SLC25A18: variants seen among roughly 807,000 people sequenced by gnomAD.
SLC25A18 encodes mitochondrial glutamate carrier 2.
SLC25A18 carries 24 observed loss-of-function variants against 31.1 expected under a neutral mutation model. That is an observed-to-expected ratio of 0.77 (90% CI 0.56 to 1.08). The LOEUF (loss-of-function observed/expected upper bound fraction) is 1.08, where lower values mean the gene tolerates loss of function less well. Ranked by LOEUF, SLC25A18 falls within the 50% of genes least tolerant of loss-of-function variation. SLC25A18 has a pLI of 0.00. For missense variants in SLC25A18, 371 were observed against 418.5 expected (o/e 0.89, Z 0.99); for synonymous variants, 173 against 161.9 (o/e 1.07, Z -0.52).
At chr22:17,589,826 CTT>C (rs1313777669) in intron 10 of SLC25A18, among the ~76,000 whole-genome samples, 161 bp downstream of exon 10, 1 of 152,150 alleles carries the variant, frequency 6.6e-6, no homozygotes, top group Non-Finnish European at 1.5e-5. Context: ...TACTGGGAGC[CTT>C]TTTCTTCTTC....
Position 17,584,450 on chromosome 22 carries a change from A to AAG in SLC25A18, c.409+916_409+917insAG, listed in dbSNP as rs1167043317. On this transcript the variant is annotated intron_variant, in intron 7 of 10. Coordinates refer to ENST00000327451, the MANE Select transcript of SLC25A18 (RefSeq NM_031481.3). The stretch of plus-strand genomic sequence containing the variant: ...AGGAAGGAAGGAAGGAAGGAAGGAG[A>AAG]GAGAGAGAGAGAGAGAGAGAGAAAG... 4.7e-3 allele frequency among the ~76,000 whole-genome samples: 611 copies of AAG among 129,258 alleles called. 10 individuals are homozygous for AAG. The highest frequency in any genetic ancestry group is 0.02 in the African/African-American group (577 of 28,234). 84.8% of individuals were successfully genotyped at this position (129,258 alleles called of 152,430 possible). A position where few individuals can be genotyped will look rare whatever the true frequency, so the allele number is the denominator to read the frequency against.
intron 2 of SLC25A18, among the ~76,000 whole-genome samples, chr22:17,576,259 G>A (rs1353036514): frequency 6.6e-6 from 1 of 152,030 alleles, no homozygotes; most frequent in Non-Finnish European, 1.5e-5. Context: ...GGCTGAGGCA[G>A]GAGAATAGCT....
At chr22:17,567,538 A>G (rs2056969311) in intron 1 of SLC25A18, among the ~76,000 whole-genome samples, 1 of 150,652 alleles carries the variant, frequency 6.6e-6, no homozygotes, top group African/African-American at 2.5e-5. Flanking sequence ...CTGATTCTTC[A>G]CCTCTCCCAG....
At chr22:17,574,360 C>A (rs990594196) in intron 2 of SLC25A18, among the ~76,000 whole-genome samples, 7 of 152,328 alleles carry the variant, frequency 4.6e-5, no homozygotes, top group African/African-American at 1.7e-4. Context: ...AGGGCACATG[C>A]TGTCTCTAGC....
chr22:17,589,811 GA>G, intron 10 of SLC25A18, 146 bp downstream of exon 10: 1 of 803,700 alleles, frequency 1.2e-6, no homozygotes, highest in Non-Finnish European at 2.0e-6. Context: ...AAAGAAAACA[GA>G]ATGTACTGGG....
chr22:17,578,971 T>TA (rs1483738723), intron 2 of SLC25A18, among the ~76,000 whole-genome samples: 5 of 152,362 alleles, frequency 3.3e-5, no homozygotes, highest in Middle Eastern at 3.4e-3. Context: ...ATTAGGAATA[T>TA]AATGTAGTTT....
chr22:17,579,905 G>A lies in SLC25A18; in HGVS notation c.-40G>A. 1 of 1,603,052 alleles carries A rather than the reference G, an allele frequency of 6.2e-7. No homozygotes were observed. The highest frequency in any genetic ancestry group is 8.5e-7 in the Non-Finnish European group (1 of 1,175,498). On this transcript the variant is annotated 5_prime_UTR_variant, in exon 3 of 11. Coordinates refer to ENST00000327451, the MANE Select transcript of SLC25A18 (RefSeq NM_031481.3). ...GCCCCAACAGCGGCTACCCCAAGGAGCCAGCAGCCTTGTGTCCTGGGATCC... is the reference window on the plus strand; with the variant it reads ...GCCCCAACAGCGGCTACCCCAAGGAACCAGCAGCCTTGTGTCCTGGGATCC...
At chr22:17,575,113 CAG>C (rs1409186532) in intron 2 of SLC25A18, among the ~76,000 whole-genome samples, 8 of 151,830 alleles carry the variant, frequency 5.3e-5, no homozygotes, top group African/African-American at 1.7e-4. Flanking sequence ...CGGCCTCCCA[CAG>C]TGCTGGGATT....
intron 3 of SLC25A18, 36 bp downstream of exon 3, chr22:17,580,000 C>CTGGGCCT (rs1256507946): frequency 5.6e-6 from 9 of 1,599,490 alleles, no homozygotes; most frequent in Non-Finnish European, 7.7e-6. Flanking sequence ...GCCCTGGGCC[C>CTGGGCCT]TGGGCCTGGC....
chr22:17,568,590 C>T (rs1392324170), intron 1 of SLC25A18, among the ~76,000 whole-genome samples: 4 of 92,282 alleles, frequency 4.3e-5, no homozygotes. Context: ...TTGAGACAGT[C>T]TCACTCTGTC....
intron 9 of SLC25A18, 58 bp from the exon 10 acceptor site, chr22:17,589,532 A>C: frequency 6.6e-7 from 1 of 1,522,348 alleles, no homozygotes; most frequent in Non-Finnish European, 9.1e-7. Context: ...CTTAGTGTTG[A>C]GGGGAGGACA....
chr22:17,575,855 GCA>G lies in SLC25A18; in HGVS notation c.-200-3887_-200-3886del, dbSNP rs748754839. ...TTGTGAATGCACTTGTCTTCCCAGT[GCA>G]CAGTGACACAATGTCATGGCCAGAT... On this transcript the variant is annotated intron_variant, in intron 2 of 10. Coordinates refer to ENST00000327451, the MANE Select transcript of SLC25A18 (RefSeq NM_031481.3). Among the ~76,000 whole-genome samples, 98 of 152,314 alleles carry G rather than the reference GCA, an allele frequency of 6.4e-4. 1 individual carries two copies. The highest frequency in any genetic ancestry group is 1.1e-3 in the Non-Finnish European group (78 of 68,030).
At chr22:17,574,108 C>T (rs561061714) in intron 2 of SLC25A18, among the ~76,000 whole-genome samples, 1 of 152,268 alleles carries the variant, frequency 6.6e-6, no homozygotes, top group South Asian at 2.1e-4. Flanking sequence ...GTGTCATACA[C>T]CTATGGTCCC....
chr22:17,564,549 T>C (rs2056882806), intron 1 of SLC25A18, among the ~76,000 whole-genome samples: 2 of 151,866 alleles, frequency 1.3e-5, no homozygotes, highest in Non-Finnish European at 2.9e-5. Flanking sequence ...TTATATAAAG[T>C]AAAAAAAATT....
chr22:17,590,313 A>T lies in SLC25A18; in HGVS notation c.*77A>T, dbSNP rs768296891. 2.7e-5 allele frequency: 43 copies of T among 1,584,412 alleles called. No homozygotes were observed. Among genetic ancestry groups the T allele is most frequent in the Non-Finnish European group, 3.6e-5 (42 of 1,160,744 alleles). On this transcript the variant is annotated 3_prime_UTR_variant, in exon 11 of 11. Coordinates refer to ENST00000327451, the MANE Select transcript of SLC25A18 (RefSeq NM_031481.3). ...CACTTAGCCTAGAGGGGGCAAGGGCAGGTGGGGCCACTCTGGCCTGCCTGG... is the reference window on the plus strand; with the variant it reads ...CACTTAGCCTAGAGGGGGCAAGGGCTGGTGGGGCCACTCTGGCCTGCCTGG...
chr22:17,580,304 A>G (rs532753978), intron 3 of SLC25A18: 2 of 258,396 alleles, frequency 7.7e-6, no homozygotes, highest in Non-Finnish European at 1.4e-5. Flanking sequence ...TCCATCTCCA[A>G]ATATTTTGTT....
chr22:17,578,112 G>A (rs895791951), intron 2 of SLC25A18, among the ~76,000 whole-genome samples: 4 of 151,302 alleles, frequency 2.6e-5, no homozygotes, highest in African/African-American at 9.7e-5. Flanking sequence ...AGCCTCCTGA[G>A]TAGCTGGGCC....
intron 5 of SLC25A18, 151 bp downstream of exon 5, chr22:17,581,564 AG>A: frequency 1.2e-6 from 1 of 820,442 alleles, no homozygotes; most frequent in South Asian, 1.7e-5. Context: ...GTGGAGACAG[AG>A]GCAGCTCTGG....
At chr22:17,587,893 G>A (rs759287835) in intron 8 of SLC25A18, 32 bp from the exon 9 acceptor site, 22 of 1,613,454 alleles carry the variant, frequency 1.4e-5, no homozygotes, top group African/African-American at 1.2e-4. Context: ...AGGGCAGCTC[G>A]GAGCTCAGTG....
Sources: gnomAD v4.1 joint callset for allele counts (sites outside exome capture counted in the v4.1 genomes callset) on GRCh38, gnomAD v4.1.1 for gene constraint, MANE v1.5 for transcripts, NCBI Gene and HGNC (gene_info 2026-07-23, HGNC 2026-07-21) for gene names.